The following FER variants were observed in gnomAD, a reference collection of about 807,000 sequenced individuals.
FER encodes FER tyrosine kinase, also known as tyrosine-protein kinase Fer.
FER carries 63 observed loss-of-function variants against 111.0 expected under a neutral mutation model. The observed-to-expected ratio is 0.57, with a 90% confidence interval of 0.46 to 0.70. FER has a LOEUF of 0.70. FER is among the 30% of genes least tolerant of loss of function. The pLI is 0.00. For synonymous variants in FER, 327 were observed against 313.9 expected, an observed-to-expected ratio of 1.04 and a Z score of -0.44; for missense variants, 914 against 954.0, an observed-to-expected ratio of 0.96 and a Z score of 0.55.
At chr5:108,769,061 A>G (rs1329263854) in intron 2 of FER, among the ~76,000 whole-genome samples, 3 of 152,166 alleles carry the variant, frequency 2.0e-5, no homozygotes, top group Non-Finnish European at 2.9e-5. Context: ...TCCTGACCTC[A>G]GATGATCTTT....
intron 13 of FER, among the ~76,000 whole-genome samples, chr5:109,012,027 G>A (rs1177733879): frequency 2.6e-5 from 4 of 152,100 alleles, no homozygotes; most frequent in Non-Finnish European, 5.9e-5. Context: ...TCTCTACTGT[G>A]CAGCCATCTT....
intron 1 of FER, among the ~76,000 whole-genome samples, chr5:108,767,464 A>G (rs1752446971): frequency 6.6e-6 from 1 of 152,194 alleles, no homozygotes; most frequent in East Asian, 1.9e-4. Flanking sequence ...AAGCATAATC[A>G]CTGGCTTCTT....
At chr5:109,118,270 GT>G (rs1750519190) in intron 17 of FER, among the ~76,000 whole-genome samples, 1 of 152,088 alleles carries the variant, frequency 6.6e-6, no homozygotes, top group African/African-American at 2.4e-5. Flanking sequence ...TAATCATATG[GT>G]TTTTGTCGTT....
chr5:109,140,660 C>T (rs1753428621), intron 17 of FER, among the ~76,000 whole-genome samples: 1 of 152,146 alleles, frequency 6.6e-6, no homozygotes, highest in South Asian at 2.1e-4. Context: ...ACTTCAAATG[C>T]TTTTTCCTTT....
At chr5:108,938,477 G>A (rs1013700727) in intron 10 of FER, among the ~76,000 whole-genome samples, 5 of 151,944 alleles carry the variant, frequency 3.3e-5, no homozygotes, top group African/African-American at 7.2e-5. Flanking sequence ...TGTGATACTC[G>A]GTAACAGTGT....
chr5:109,167,625 A>T (rs552536600), intron 17 of FER, among the ~76,000 whole-genome samples: 1 of 152,338 alleles, frequency 6.6e-6, no homozygotes, highest in East Asian at 1.9e-4. Flanking sequence ...GACCCAAATT[A>T]CTTTGTAACT....
At chr5:108,966,100 C>T (rs1404763435) in intron 13 of FER, among the ~76,000 whole-genome samples, 1 of 152,142 alleles carries the variant, frequency 6.6e-6, no homozygotes, top group Non-Finnish European at 1.5e-5. Flanking sequence ...ATAAATGATA[C>T]TTCAAAAGTT....
intron 2 of FER, among the ~76,000 whole-genome samples, chr5:108,786,227 C>T (rs1754700092): frequency 6.6e-6 from 1 of 152,174 alleles, no homozygotes. Context: ...CAGTGCTGTC[C>T]TCCCTATGTT....
At position 108,981,588 on chromosome 5, in the gene FER, A is replaced by C. The variant is rs547262798; in HGVS notation, c.1656+22241A>C. Reference sequence around the variant, plus strand: ...CTGAGACCTTAGAGATAGCTTTTGTAAGGCTTTAATCAGAAGACTAGCATT... The same window carrying C: ...CTGAGACCTTAGAGATAGCTTTTGTCAGGCTTTAATCAGAAGACTAGCATT... On this transcript the variant is annotated intron_variant, in intron 13 of 19. Transcript: ENST00000281092. 2.6e-5 allele frequency among the ~76,000 whole-genome samples: 4 copies of C among 152,216 alleles called. No homozygotes were observed. In the East Asian group the frequency reaches 5.8e-4, roughly 22 times the overall value.
At chr5:108,752,292 A>G (rs1034964857) in intron 1 of FER, among the ~76,000 whole-genome samples, 13 of 152,008 alleles carry the variant, frequency 8.6e-5, no homozygotes, top group African/African-American at 3.1e-4. Context: ...CTTACAATCA[A>G]TTCAGAAAAC....
At chr5:109,095,647 T>C (rs1379329358) in intron 16 of FER, among the ~76,000 whole-genome samples, 2 of 152,148 alleles carry the variant, frequency 1.3e-5, no homozygotes, top group Non-Finnish European at 2.9e-5. Flanking sequence ...TCAGCATTCA[T>C]TGTCGTTTAT....
intron 17 of FER, among the ~76,000 whole-genome samples, chr5:109,111,854 T>C (rs972750522): frequency 1.3e-5 from 2 of 152,284 alleles, no homozygotes; most frequent in African/African-American, 2.4e-5. Context: ...TTGGGAATTA[T>C]GTAATTCAAC....
intron 2 of FER, among the ~76,000 whole-genome samples, chr5:108,786,574 C>G (rs921195502): frequency 6.6e-6 from 1 of 152,086 alleles, no homozygotes; most frequent in Admixed American, 6.5e-5. Context: ...GAGGGGGGCT[C>G]ACTGCAAGCT....
chr5:109,003,816 C>CA (rs1342651611), intron 13 of FER, among the ~76,000 whole-genome samples: 2 of 151,522 alleles, frequency 1.3e-5, no homozygotes, highest in Admixed American at 6.6e-5. Context: ...CCCATCTCTA[C>CA]AAAAAAAATT....
rs569685436 is a variant in FER, at chr5:108,928,676, T to A, written c.1237-17454T>A. On this transcript the variant is annotated intron_variant, in intron 10 of 19. Coordinates refer to ENST00000281092, the MANE Select transcript of FER (RefSeq NM_005246.4). The stretch of plus-strand genomic sequence containing the variant: ...CTAGCTATGAACGGTATAATTTTTA[T>A]ATAGCATCTCCCTTGAAAGCATATA... Among the ~76,000 whole-genome samples, 4 of 152,200 alleles carry A rather than the reference T, an allele frequency of 2.6e-5. No individual in the cohort carries two copies. In the South Asian group the frequency reaches 8.3e-4, roughly 32 times the overall value.
At chr5:108,825,439 G>GT (rs1040319165) in intron 3 of FER, among the ~76,000 whole-genome samples, 1 of 152,210 alleles carries the variant, frequency 6.6e-6, no homozygotes, top group Non-Finnish European at 1.5e-5. Context: ...GCTCTGTTCT[G>GT]CCCAGCTCAC....
intron 9 of FER, among the ~76,000 whole-genome samples, chr5:108,896,023 C>G (rs1057157664): frequency 1.3e-5 from 2 of 151,876 alleles, no homozygotes; most frequent in Non-Finnish European, 2.9e-5. Context: ...TTGAAGTATA[C>G]CTCCCTGTTG....
chr5:109,001,453 T>C (rs1386305688), intron 13 of FER, among the ~76,000 whole-genome samples: 4 of 152,170 alleles, frequency 2.6e-5, no homozygotes, highest in Non-Finnish European at 5.9e-5. Context: ...CTAAAAACTC[T>C]CAATCAATTA....
chr5:108,997,768 G>A (rs1034775475), intron 13 of FER, among the ~76,000 whole-genome samples: 2 of 152,090 alleles, frequency 1.3e-5, no homozygotes, highest in South Asian at 2.1e-4. Context: ...TCATGAAGAT[G>A]GGGGTTTTAT....
Sources: gnomAD v4.1 joint callset for allele counts (sites outside exome capture counted in the v4.1 genomes callset) on GRCh38, gnomAD v4.1.1 for gene constraint, MANE v1.5 for transcripts, NCBI Gene and HGNC (gene_info 2026-07-23, HGNC 2026-07-21) for gene names.